CATSPER3: variants seen among roughly 807,000 people sequenced by gnomAD.
The protein encoded by CATSPER3 is cation channel sperm-associated protein 3.
A neutral mutation model predicts 36.6 loss-of-function variants in CATSPER3; 23 were observed. That is an observed-to-expected ratio of 0.63 (90% CI 0.45 to 0.89). The LOEUF (loss-of-function observed/expected upper bound fraction) is 0.89. Among genes scored for constraint, CATSPER3 ranks in the 40% least tolerant of loss-of-function variants. The pLI is 0.00. For missense variants in CATSPER3, 474 were observed against 503.9 expected, an observed-to-expected ratio of 0.94 and a Z score of 0.57; for synonymous variants, 172 against 184.1, an observed-to-expected ratio of 0.93 and a Z score of 0.53.
At chr5:135,008,682 G>A (rs533424815) in intron 4 of CATSPER3, among the ~76,000 whole-genome samples, 159 bp from the exon 5 acceptor site, 4 of 152,286 alleles carry the variant, frequency 2.6e-5, no homozygotes, top group East Asian at 3.9e-4. Context: ...AGGCCATCAC[G>A]TATGTGCTGG....
At chr5:134,971,099 G>A (rs1274719545) in intron 2 of CATSPER3, among the ~76,000 whole-genome samples, 1 of 151,920 alleles carries the variant, frequency 6.6e-6, no homozygotes, top group Non-Finnish European at 1.5e-5. Context: ...ACAGGCGCCC[G>A]CCACAACGCC....
intron 6 of CATSPER3, 120 bp downstream of exon 6, chr5:135,009,610 CCTTA>C: frequency 8.6e-5 from 65 of 755,518 alleles, no homozygotes; most frequent in Non-Finnish European, 1.1e-4. Context: ...GCATCTGCAG[CCTTA>C]GGTAAGACAG....
At chr5:135,010,349 C>G (rs1477506726) in intron 6 of CATSPER3, 24 bp from the exon 7 acceptor site, 3 of 1,611,638 alleles carry the variant, frequency 1.9e-6, no homozygotes, top group Non-Finnish European at 2.5e-6. Context: ...CATCACTGCT[C>G]TCTCGTTATG....
intron 2 of CATSPER3, among the ~76,000 whole-genome samples, chr5:134,995,003 CTTCA>C (rs1250789508): frequency 1.3e-5 from 2 of 150,032 alleles, no homozygotes; most frequent in Non-Finnish European, 3.0e-5. Context: ...CCCTCCCTTC[CTTCA>C]TCCCTCTCTC....
At chr5:135,008,209 T>C in intron 4 of CATSPER3, 70 bp downstream of exon 4, 2 of 1,308,910 alleles carry the variant, frequency 1.5e-6, no homozygotes, top group Admixed American at 3.4e-5. Flanking sequence ...TGCAAGCGTG[T>C]GGACATGTGG....
At chr5:134,994,057 G>A (rs1377171293) in intron 2 of CATSPER3, among the ~76,000 whole-genome samples, 2 of 152,128 alleles carry the variant, frequency 1.3e-5, no homozygotes, top group Non-Finnish European at 2.9e-5. Flanking sequence ...CCTGGGAGGC[G>A]GAGGTTGCAG....
At chr5:134,998,222 A>T (rs1158060515) in intron 3 of CATSPER3, among the ~76,000 whole-genome samples, 1 of 152,110 alleles carries the variant, frequency 6.6e-6, no homozygotes, top group Non-Finnish European at 1.5e-5. Flanking sequence ...TTCCATCTTC[A>T]TCCATGTCCC....
At chr5:134,977,687 T>G (rs1361669616) in intron 2 of CATSPER3, among the ~76,000 whole-genome samples, 3 of 152,322 alleles carry the variant, frequency 2.0e-5, no homozygotes, top group Non-Finnish European at 4.4e-5. Flanking sequence ...TTTATATCGG[T>G]ACCACACTTC....
intron 2 of CATSPER3, among the ~76,000 whole-genome samples, chr5:134,980,329 C>G (rs1751734939): frequency 6.8e-6 from 1 of 147,212 alleles, no homozygotes; most frequent in African/African-American, 2.5e-5. Flanking sequence ...TCTCCTTTCT[C>G]TTTTTTTCTT....
At chr5:134,978,624 A>G (rs1166221965) in intron 2 of CATSPER3, among the ~76,000 whole-genome samples, 1 of 152,194 alleles carries the variant, frequency 6.6e-6, no homozygotes, top group Non-Finnish European at 1.5e-5. Flanking sequence ...GCAATAAAAC[A>G]AGAAAAAGAA....
At chr5:135,009,222 G>T in intron 5 of CATSPER3, 149 bp from the exon 6 acceptor site, 1 of 980,792 alleles carries the variant, frequency 1.0e-6, no homozygotes. Context: ...TGCAGCTACA[G>T]TTGGCAGCTT....
chr5:134,983,194 T>G (rs926297573), intron 2 of CATSPER3, among the ~76,000 whole-genome samples: 1 of 152,132 alleles, frequency 6.6e-6, no homozygotes. Context: ...ACAGCAGAAG[T>G]GTGTCCTTTA....
intron 2 of CATSPER3, among the ~76,000 whole-genome samples, chr5:134,994,188 A>G (rs182738697): frequency 1.3e-5 from 2 of 152,352 alleles, no homozygotes; most frequent in East Asian, 3.9e-4. Context: ...AGATATTTGT[A>G]ACACATATAA....
rs1418246022 is a variant in CATSPER3, at chr5:134,969,746, A to G, written c.99-193A>G. 5 of 634,996 alleles carry G rather than the reference A, an allele frequency of 7.9e-6. No individual in the cohort carries two copies. In the East Asian group the frequency reaches 1.1e-4, roughly 15 times the overall value. 39.3% of individuals were successfully genotyped at this position (634,996 alleles called of 1,614,324 possible). ...GAGGGAGCTAAGTAACTGAGTGAGGACAGAGTATCCATGATCATCATATAT... is the reference window on the plus strand; with the variant it reads ...GAGGGAGCTAAGTAACTGAGTGAGGGCAGAGTATCCATGATCATCATATAT... On this transcript the variant is annotated intron_variant, in intron 1 of 7. Coordinates refer to ENST00000282611, the MANE Select transcript of CATSPER3 (RefSeq NM_178019.3).
intron 3 of CATSPER3, 82 bp downstream of exon 3, chr5:134,996,594 TC>T: frequency 7.2e-7 from 1 of 1,386,086 alleles, no homozygotes; most frequent in East Asian, 2.3e-5. Context: ...AAATAATGAC[TC>T]TACTACCATC....
chr5:134,980,031 G>C (rs986208487), intron 2 of CATSPER3, among the ~76,000 whole-genome samples: 2 of 148,340 alleles, frequency 1.3e-5, no homozygotes, highest in Non-Finnish European at 3.0e-5. Flanking sequence ...GTCTGGGCTA[G>C]AGTGAAGTGA....
intron 2 of CATSPER3, among the ~76,000 whole-genome samples, chr5:134,970,568 ATTTT>A (rs35264342): frequency 3.1e-4 from 38 of 124,224 alleles, no homozygotes; most frequent in African/African-American, 1.0e-3. Context: ...GACATGGTGG[ATTTT>A]TTTTTTTTTT....
At chr5:134,975,885 A>G (rs541071050) in intron 2 of CATSPER3, among the ~76,000 whole-genome samples, 7 of 152,336 alleles carry the variant, frequency 4.6e-5, no homozygotes, top group Non-Finnish European at 7.3e-5. Flanking sequence ...GTGTTCATCA[A>G]TGGATGAATG....
intron 2 of CATSPER3, among the ~76,000 whole-genome samples, chr5:134,972,970 G>GA (rs1403153815): frequency 6.6e-6 from 1 of 152,148 alleles, no homozygotes; most frequent in Non-Finnish European, 1.5e-5. Context: ...TATGCCAAAA[G>GA]AAAATAGAGT....
Sources: gnomAD v4.1 joint callset for allele counts (sites outside exome capture counted in the v4.1 genomes callset) on GRCh38, gnomAD v4.1.1 for gene constraint, MANE v1.5 for transcripts, NCBI Gene and HGNC (gene_info 2026-07-23, HGNC 2026-07-21) for gene names.